MYBPC1: variants seen among roughly 807,000 people sequenced by gnomAD.
The protein encoded by MYBPC1 is myosin binding protein C1.
In MYBPC1, 52 loss-of-function variants were observed where a neutral mutation model predicts 147.1. The ratio of observed to expected loss-of-function variants is 0.35; its 90% CI spans 0.28 to 0.45. The LOEUF (loss-of-function observed/expected upper bound fraction) is 0.45, where lower values mean the gene tolerates loss of function less well. Among genes scored for constraint, MYBPC1 ranks in the 20% least tolerant of loss-of-function variants. The pLI is 1.00. For missense variants in MYBPC1, 1,228 were observed against 1,440.3 expected (o/e 0.85, Z 2.39); for synonymous variants, 477 against 475.9 (o/e 1.00, Z -0.03).
chr12:101,608,681 A>G (rs888844689), intron 1 of MYBPC1, among the ~76,000 whole-genome samples: 15 of 152,220 alleles, frequency 9.9e-5, no homozygotes, highest in African/African-American at 3.6e-4. Flanking sequence ...TCCTCGACAC[A>G]AGTTGCTTTG....
chr12:101,626,088 C>CAAAAAAAAAA (rs769008600), intron 3 of MYBPC1, among the ~76,000 whole-genome samples: 2,629 of 54,254 alleles, frequency 0.048, 81 homozygotes, highest in East Asian at 0.19. Context: ...AACTCTGTCT[C>CAAAAAAAAAA]AAAAAAAAAA....
chr12:101,625,693 C>T (rs1359898071), intron 3 of MYBPC1, among the ~76,000 whole-genome samples: 1 of 152,206 alleles, frequency 6.6e-6, no homozygotes, highest in East Asian at 1.9e-4. Context: ...CTCCAGCCCA[C>T]TGAACCTCTG....
chr12:101,660,845 T>C (rs1896427884), intron 19 of MYBPC1, among the ~76,000 whole-genome samples: 1 of 152,100 alleles, frequency 6.6e-6, no homozygotes, highest in South Asian at 2.1e-4. Flanking sequence ...GGGTTTCCCC[T>C]TACAAAACCA....
chr12:101,653,377 A>G (rs1894919552), intron 18 of MYBPC1, 129 bp downstream of exon 18: 3 of 1,247,634 alleles, frequency 2.4e-6, no homozygotes, highest in Middle Eastern at 2.4e-4. Context: ...TACAGTAAAG[A>G]TGTAATTCCT....
Position 101,660,761 on chromosome 12 carries a change from A to G in MYBPC1, c.1928-397A>G, listed in dbSNP as rs151311291. On this transcript the variant is annotated intron_variant, in intron 19 of 31. Coordinates refer to ENST00000361466, the MANE Select transcript of MYBPC1 (RefSeq NM_002465.4). ...TTCCTTGTAGCTGGGGAGGCCTCACAATCATGGTGGAAGGTGAAAGCCATG... is the reference window on the plus strand; with the variant it reads ...TTCCTTGTAGCTGGGGAGGCCTCACGATCATGGTGGAAGGTGAAAGCCATG... Among the ~76,000 whole-genome samples, 575 of 152,266 alleles carry G rather than the reference A, an allele frequency of 3.8e-3. 7 individuals carry two copies. Among genetic ancestry groups the G allele is most frequent in the African/African-American group, 0.013 (537 of 41,546 alleles).
intron 25 of MYBPC1, 136 bp downstream of exon 25, chr12:101,673,758 A>C: frequency 9.8e-7 from 1 of 1,015,928 alleles, no homozygotes; most frequent in East Asian, 2.6e-5. Flanking sequence ...ATTTTTTAAA[A>C]ATAGATAAAT....
chr12:101,613,087 T>C (rs967572302), intron 1 of MYBPC1, among the ~76,000 whole-genome samples: 1 of 152,250 alleles, frequency 6.6e-6, no homozygotes, highest in East Asian at 1.9e-4. Flanking sequence ...AACTTATTTA[T>C]GGCCATCTGA....
In MYBPC1 at chr12:101,653,022, T is replaced by C. The variant is rs1033095012; in HGVS notation, c.1634-93T>C. The C allele has an allele frequency of 4.5e-5, 67 of 1,480,934 alleles. No homozygotes were observed. The Admixed American group carries it at 9.1e-4, about 20-fold the overall frequency. The allele number at this position is 1,480,934 out of a possible 1,614,324, so 91.7% of individuals were successfully genotyped here. A position where few individuals can be genotyped will look rare whatever the true frequency, so the allele number is the denominator to read the frequency against. ...TTATATTCTTTTTGATTAGATAAAA[T>C]ATTGGTTACTACCATCATACTAGCC... On this transcript the variant is annotated intron_variant, in intron 17 of 31. Transcript: ENST00000361466.
the MYBPC1 span, among the ~76,000 whole-genome samples, chr12:101,692,191 G>A: frequency 3.9e-5 from 6 of 152,160 alleles, no homozygotes; most frequent in African/African-American, 9.7e-5. Context: ...AAGGTAGACC[G>A]GGCCCTCAAA....
At chr12:101,658,388 TAAAA>T (rs56350975) in intron 18 of MYBPC1, among the ~76,000 whole-genome samples, 1,943 of 149,984 alleles carry the variant, frequency 0.013, 27 homozygotes, top group African/African-American at 0.039. Flanking sequence ...TTCAATCTGA[TAAAA>T]AAAAAAAAAT....
rs1022529338 is a variant in MYBPC1, at chr12:101,667,658, A to T, written c.2357-74A>T. The stretch of plus-strand genomic sequence containing the variant: ...TGAGTAAAATACTAATTTGGAGTTG[A>T]CTGTAATGGTTAAGATGATTTTTTT... On this transcript the variant is annotated intron_variant, in intron 22 of 31. Coordinates refer to ENST00000361466, the MANE Select transcript of MYBPC1 (RefSeq NM_002465.4). 17 of 1,543,066 alleles carry T rather than the reference A, an allele frequency of 1.1e-5. No homozygotes were observed. In the African/African-American group the frequency reaches 2.3e-4, roughly 21 times the overall value.
chr12:101,620,180 G>T (rs967106376), intron 3 of MYBPC1, among the ~76,000 whole-genome samples: 8 of 152,160 alleles, frequency 5.3e-5, no homozygotes, highest in African/African-American at 1.7e-4. Flanking sequence ...AATGTGTTTA[G>T]CCCAACAGCA....
At chr12:101,631,936 C>T in intron 7 of MYBPC1, 85 bp from the exon 8 acceptor site, 1 of 1,352,890 alleles carries the variant, frequency 7.4e-7, no homozygotes, top group Non-Finnish European at 1.1e-6. Flanking sequence ...ACTGGAATTC[C>T]CACAGACAGA....
intron 31 of MYBPC1, 65 bp from the exon 32 acceptor site, chr12:101,685,517 A>G: frequency 2.7e-6 from 3 of 1,113,876 alleles, no homozygotes; most frequent in Non-Finnish European, 3.9e-6. Context: ...GTCAAGAAGT[A>G]TTGTTTCAGC....
At chr12:101,618,744 C>A (rs997322161) in intron 3 of MYBPC1, among the ~76,000 whole-genome samples, 2 of 151,962 alleles carry the variant, frequency 1.3e-5, no homozygotes, top group Non-Finnish European at 2.9e-5. Context: ...GATGAAAGAG[C>A]AAGGCTAGAT....
intron 12 of MYBPC1, among the ~76,000 whole-genome samples, chr12:101,645,519 A>G (rs958250492): frequency 1.3e-5 from 2 of 152,216 alleles, no homozygotes; most frequent in Admixed American, 1.3e-4. Context: ...AATCCTGGAA[A>G]GCTGTTACTT....
intron 26 of MYBPC1, 31 bp downstream of exon 26, chr12:101,675,462 A>C (rs1218324741): frequency 6.2e-7 from 1 of 1,613,856 alleles, no homozygotes; most frequent in Non-Finnish European, 8.5e-7. Flanking sequence ...GTTCATCAGT[A>C]GCAAAAGGCA....
intron 1 of MYBPC1, among the ~76,000 whole-genome samples, chr12:101,595,497 C>T (rs1436786865): frequency 1.3e-5 from 2 of 152,004 alleles, no homozygotes; most frequent in African/African-American, 4.8e-5. Flanking sequence ...AAAATATTTT[C>T]TCAAATGGTT....
intron 1 of MYBPC1, among the ~76,000 whole-genome samples, chr12:101,610,037 G>A (rs1883686141): frequency 6.6e-6 from 1 of 152,206 alleles, no homozygotes; most frequent in Non-Finnish European, 1.5e-5. Context: ...ATGAATTAGA[G>A]CGAGAGAGAT....
Sources: gnomAD v4.1 joint callset for allele counts (sites outside exome capture counted in the v4.1 genomes callset) on GRCh38, gnomAD v4.1.1 for gene constraint, MANE v1.5 for transcripts, NCBI Gene and HGNC (gene_info 2026-07-23, HGNC 2026-07-21) for gene names.